Variants in SHISA9 observed in about 807,000 individuals in gnomAD.
SHISA9 encodes protein shisa-9.
In SHISA9, 13 loss-of-function variants were observed where a neutral mutation model predicts 38.0. The ratio of observed to expected loss-of-function variants is 0.34; its 90% CI spans 0.22 to 0.54. SHISA9 has a LOEUF of 0.54. Ranked by LOEUF, SHISA9 falls within the 20% of genes least tolerant of loss-of-function variation. SHISA9 has a pLI of 0.91. For missense variants in SHISA9, 538 were observed against 575.8 expected (o/e 0.93, Z 0.67); for synonymous variants, 275 against 242.0 (o/e 1.14, Z -1.27).
chr16:13,546,067 C>G, the SHISA9 span, among the ~76,000 whole-genome samples: 2 of 152,178 alleles, frequency 1.3e-5, no homozygotes, highest in Admixed American at 6.5e-5. Context: ...ACACTAGGCT[C>G]ACTAATTCAG....
At chr16:13,227,324 G>A (rs562907450) in intron 4 of SHISA9, among the ~76,000 whole-genome samples, 2 of 152,348 alleles carry the variant, frequency 1.3e-5, no homozygotes, top group South Asian at 4.1e-4. Context: ...AATGTTCAAA[G>A]GGGGTAGGAG....
At chr16:13,295,778 A>G in the SHISA9 span, among the ~76,000 whole-genome samples, 2 of 152,320 alleles carry the variant, frequency 1.3e-5, no homozygotes, top group East Asian at 1.9e-4. Context: ...TAAAAAATTT[A>G]TCACACAATG....
At chr16:13,050,735 A>G (rs2073241798) in intron 2 of SHISA9, among the ~76,000 whole-genome samples, 1 of 152,216 alleles carries the variant, frequency 6.6e-6, no homozygotes, top group Non-Finnish European at 1.5e-5. Context: ...TGGAAGAGTT[A>G]CCTGTCTCTC....
intron 2 of SHISA9, among the ~76,000 whole-genome samples, chr16:13,027,567 A>T (rs1363663352): frequency 6.6e-6 from 1 of 152,200 alleles, no homozygotes; most frequent in Non-Finnish European, 1.5e-5. Flanking sequence ...AGAATGAATA[A>T]ACAAACTGTG....
intron 2 of SHISA9, among the ~76,000 whole-genome samples, chr16:13,194,924 T>C (rs2050922564): frequency 6.6e-6 from 1 of 152,144 alleles, no homozygotes; most frequent in Non-Finnish European, 1.5e-5. Context: ...AGGTTACAGA[T>C]AATCGAGGGA....
chr16:13,453,222 G>A, the SHISA9 span, among the ~76,000 whole-genome samples: 82,371 of 151,942 alleles, frequency 0.54, 23,227 homozygotes, highest in East Asian at 0.9. Flanking sequence ...AGGGAAAACC[G>A]TTTGTTTTTG....
At chr16:12,999,351 C>T (rs1301057017) in intron 2 of SHISA9, among the ~76,000 whole-genome samples, 1 of 152,180 alleles carries the variant, frequency 6.6e-6, no homozygotes, top group Non-Finnish European at 1.5e-5. Context: ...CCTTGTTTTA[C>T]CTTGGCTGAC....
At chr16:13,296,680 C>G in the SHISA9 span, among the ~76,000 whole-genome samples, 1 of 151,836 alleles carries the variant, frequency 6.6e-6, no homozygotes, top group Admixed American at 6.6e-5. Flanking sequence ...CACTTGAGAT[C>G]AGGAGTTCAA....
chr16:13,208,569 C>T (rs2051089658), intron 3 of SHISA9, among the ~76,000 whole-genome samples: 1 of 151,396 alleles, frequency 6.6e-6, no homozygotes, highest in Admixed American at 6.6e-5. Flanking sequence ...GAGAATTGGA[C>T]ATGCACCACC....
the SHISA9 span, among the ~76,000 whole-genome samples, chr16:13,335,337 A>G: frequency 6.6e-6 from 1 of 152,212 alleles, no homozygotes; most frequent in Non-Finnish European, 1.5e-5. Flanking sequence ...AGAGAGATAG[A>G]TGGAGTAGGT....
intron 2 of SHISA9, among the ~76,000 whole-genome samples, chr16:13,087,677 G>A (rs1325570780): frequency 6.6e-6 from 1 of 152,090 alleles, no homozygotes; most frequent in Non-Finnish European, 1.5e-5. Flanking sequence ...GGGGTTGTTT[G>A]TTTATTTCTT....
At chr16:13,429,953 TAAAAG>T in the SHISA9 span, among the ~76,000 whole-genome samples, 1 of 152,196 alleles carries the variant, frequency 6.6e-6, no homozygotes, top group Non-Finnish European at 1.5e-5. Context: ...GATTGAGTCT[TAAAAG>T]AGATAATTAA....
the SHISA9 span, among the ~76,000 whole-genome samples, chr16:13,281,407 A>G: frequency 6.6e-6 from 1 of 151,544 alleles, no homozygotes; most frequent in African/African-American, 2.4e-5. Context: ...GTATACTTTT[A>G]TTTCAAAATG....
In SHISA9 at chr16:12,946,001, G is replaced by C. The variant is rs189542953; in HGVS notation, c.691+29186G>C. ...TGCACACCTGTAATCCTAGCTACTT[G>C]AGAGGCTAAAGCATGAGAACTGCTT... On this transcript the variant is annotated intron_variant, in intron 2 of 4. Transcript: ENST00000558583. 8.5e-5 allele frequency among the ~76,000 whole-genome samples: 13 copies of C among 152,338 alleles called. No homozygotes were observed. The East Asian group carries it at 2.5e-3, about 29-fold the overall frequency.
At chr16:13,068,465 T>C (rs2073460127) in intron 2 of SHISA9, among the ~76,000 whole-genome samples, 1 of 152,220 alleles carries the variant, frequency 6.6e-6, no homozygotes, top group African/African-American at 2.4e-5. Flanking sequence ...TAGGGGACAT[T>C]GGGAATACTC....
At chr16:13,166,252 G>A (rs769751579) in intron 2 of SHISA9, among the ~76,000 whole-genome samples, 20 of 152,176 alleles carry the variant, frequency 1.3e-4, no homozygotes, top group South Asian at 6.2e-4. Flanking sequence ...ACAATGATAT[G>A]TTATCCTTTT....
intron 2 of SHISA9, among the ~76,000 whole-genome samples, chr16:13,019,905 T>C (rs1367616103): frequency 1.7e-5 from 1 of 59,382 alleles, no homozygotes; most frequent in African/African-American, 5.2e-5. Flanking sequence ...CTTTCTTTCT[T>C]TCTTTCTTTC....
chr16:13,405,574 C>A, the SHISA9 span, among the ~76,000 whole-genome samples: 1 of 152,180 alleles, frequency 6.6e-6, no homozygotes, highest in Non-Finnish European at 1.5e-5. Flanking sequence ...GATCCTATCA[C>A]CCAGGCACTA....
chr16:13,015,160 G>T (rs1175878197), intron 2 of SHISA9, among the ~76,000 whole-genome samples: 1 of 152,190 alleles, frequency 6.6e-6, no homozygotes, highest in Non-Finnish European at 1.5e-5. Context: ...CCTGCCGCCT[G>T]TTTTATTTTT....
Sources: allele counts gnomAD v4.1 joint callset (sites outside exome capture counted in the v4.1 genomes callset), GRCh38; gene constraint gnomAD v4.1.1; transcripts MANE v1.5; gene names NCBI Gene and HGNC (gene_info 2026-07-23, HGNC 2026-07-21).